Variants in SCD5 observed in about 807,000 individuals in gnomAD.
SCD5 encodes the protein acyl-CoA-desaturase 4.
Under a neutral mutation model 30.4 loss-of-function variants are expected in SCD5, and 20 were observed. The ratio of observed to expected loss-of-function variants is 0.66; its 90% confidence interval spans 0.46 to 0.96. The LOEUF (loss-of-function observed/expected upper bound fraction) is 0.96. Among genes scored for constraint, SCD5 ranks in the 40% least tolerant of loss-of-function variants. The pLI, the probability that SCD5 is intolerant of heterozygous loss-of-function variation, is 0.00. For missense variants in SCD5, 381 were observed against 443.3 expected (o/e 0.86, Z 1.26); for synonymous variants, 173 against 176.4 (o/e 0.98, Z 0.16).
intron 1 of SCD5, 142 bp downstream of exon 1, chr4:82,798,164 G>A: frequency 1.1e-6 from 1 of 937,256 alleles, no homozygotes; most frequent in Non-Finnish European, 1.3e-6. Context: ...ATGCCAAGGG[G>A]GCCGCGGCGC....
At chr4:82,660,819 T>C in intron 3 of SCD5, 1 of 1,611,170 alleles carries the variant, frequency 6.2e-7, no homozygotes. Flanking sequence ...GGAGTCCCCG[T>C]CTGTTATTCT....
At chr4:82,733,991 C>T (rs1464523575) in intron 1 of SCD5, among the ~76,000 whole-genome samples, 1 of 152,092 alleles carries the variant, frequency 6.6e-6, no homozygotes, top group Non-Finnish European at 1.5e-5. Flanking sequence ...AAAATGGCCA[C>T]TATTACATAC....
chr4:82,693,132 C>T (rs1459557759), intron 2 of SCD5, among the ~76,000 whole-genome samples: 1 of 152,102 alleles, frequency 6.6e-6, no homozygotes, highest in African/African-American at 2.4e-5. Context: ...GCTCTGCTCC[C>T]GATTGTAGGG....
intron 2 of SCD5, among the ~76,000 whole-genome samples, chr4:82,703,414 T>C (rs867833764): frequency 7.2e-5 from 11 of 152,348 alleles, no homozygotes; most frequent in South Asian, 2.1e-4. Context: ...ATAAGCTTGG[T>C]ACTTTTTATT....
chr4:82,655,054 G>A (rs902304523), intron 3 of SCD5, among the ~76,000 whole-genome samples: 11 of 152,116 alleles, frequency 7.2e-5, no homozygotes, highest in Non-Finnish European at 1.5e-5. Context: ...ACTTCTTCAA[G>A]GACCTCATCT....
At chr4:82,705,814 G>A (rs1003752849) in intron 1 of SCD5, among the ~76,000 whole-genome samples, 1 of 152,194 alleles carries the variant, frequency 6.6e-6, no homozygotes, top group African/African-American at 2.4e-5. Context: ...TGAGTGTTAT[G>A]TGAAGAGCAT....
chr4:82,728,494 A>G (rs115079119), intron 1 of SCD5, among the ~76,000 whole-genome samples: 1,553 of 152,272 alleles, frequency 0.01, 27 homozygotes, highest in African/African-American at 0.036. Context: ...AAGATTGCTG[A>G]CTTCCCCAAT....
Position 82,631,305 on chromosome 4 carries a change from A to G in SCD5, c.*22T>C, listed in dbSNP as rs369292537. 1.9e-6 allele frequency: 3 copies of G among 1,606,830 alleles called. No homozygotes were observed. In the African/African-American group the frequency reaches 4.0e-5, roughly 21 times the overall value. On this transcript the variant is annotated 3_prime_UTR_variant, in exon 5 of 5. Transcript: ENST00000319540. ...ATGAACCGAGGTTGCAACGGCAGACATGTGGGATGGCTGTTCCAAGTTCAA... is the reference window on the plus strand; with the variant it reads ...ATGAACCGAGGTTGCAACGGCAGACGTGTGGGATGGCTGTTCCAAGTTCAA...
At chr4:82,707,944 G>T (rs1287292352) in intron 1 of SCD5, among the ~76,000 whole-genome samples, 1 of 152,204 alleles carries the variant, frequency 6.6e-6, no homozygotes, top group African/African-American at 2.4e-5. Flanking sequence ...GGGGTAATTT[G>T]TTATGCAACA....
intron 3 of SCD5, among the ~76,000 whole-genome samples, chr4:82,675,934 T>C (rs929489873): frequency 1.3e-5 from 2 of 152,232 alleles, no homozygotes; most frequent in African/African-American, 4.8e-5. Context: ...CTTCCTTCCT[T>C]AGAAACAAAA....
chr4:82,690,008 T>TA lies in SCD5; in HGVS notation c.364-9097dup, dbSNP rs1436201780. Among the ~76,000 whole-genome samples the TA allele has an allele frequency of 3.3e-5, 5 of 152,128 alleles. No homozygotes were observed. In the East Asian group the frequency reaches 5.8e-4, roughly 18 times the overall value. On this transcript the variant is annotated intron_variant, in intron 2 of 4. Coordinates refer to ENST00000319540, the MANE Select transcript of SCD5 (RefSeq NM_001037582.3). Reference sequence around the variant, plus strand: ...TTCAAAAATATTGATGGCATAAAATTAAAAAAACAAGGAACTATTCCAGAT... The same window carrying TA: ...TTCAAAAATATTGATGGCATAAAATTAAAAAAAACAAGGAACTATTCCAGAT...
chr4:82,705,065 G>A (rs894136569), intron 2 of SCD5, among the ~76,000 whole-genome samples: 4 of 152,224 alleles, frequency 2.6e-5, no homozygotes, highest in Non-Finnish European at 4.4e-5. Flanking sequence ...TTTCCCCTCA[G>A]TAGTTCAGCA....
At chr4:82,679,219 GA>G (rs34466750) in intron 3 of SCD5, among the ~76,000 whole-genome samples, 10,736 of 25,966 alleles carry the variant, frequency 0.41, 1,413 homozygotes, top group Middle Eastern at 0.57. Flanking sequence ...AAAAAAGAAA[GA>G]AAAGAAAGAA....
At chr4:82,679,255 A>G (rs561874780) in intron 3 of SCD5, among the ~76,000 whole-genome samples, 37 of 120,592 alleles carry the variant, frequency 3.1e-4, no homozygotes, top group African/African-American at 1.1e-3. Flanking sequence ...AAAGAAAGAA[A>G]GAAAGAAGGA....
At chr4:82,752,465 T>G (rs28491616) in intron 1 of SCD5, among the ~76,000 whole-genome samples, 1,554 of 152,162 alleles carry the variant, frequency 0.01, 33 homozygotes, top group African/African-American at 0.035. Context: ...TTAGGATGAT[T>G]TGAAGGCCTG....
chr4:82,760,922 G>A (rs929480574), intron 1 of SCD5, among the ~76,000 whole-genome samples: 11 of 152,156 alleles, frequency 7.2e-5, no homozygotes, highest in African/African-American at 2.4e-4. Context: ...CCTGAGCATA[G>A]CACACACATA....
chr4:82,653,546 A>C (rs1428530051), intron 3 of SCD5, among the ~76,000 whole-genome samples: 1 of 152,132 alleles, frequency 6.6e-6, no homozygotes, highest in African/African-American at 2.4e-5. Context: ...TTACAGTCAC[A>C]TATGAAATGT....
chr4:82,648,931 A>G (rs1357245123), intron 3 of SCD5, among the ~76,000 whole-genome samples: 1 of 152,172 alleles, frequency 6.6e-6, no homozygotes, highest in Admixed American at 6.6e-5. Flanking sequence ...AGGATGGAAC[A>G]TGTGCTTTGG....
intron 3 of SCD5, among the ~76,000 whole-genome samples, chr4:82,645,943 T>C (rs1170320966): frequency 6.6e-6 from 1 of 152,218 alleles, no homozygotes; most frequent in African/African-American, 2.4e-5. Context: ...TGCAAGCGTT[T>C]TCCTACTGCT....
Sources: gnomAD v4.1 joint callset for allele counts (sites outside exome capture counted in the v4.1 genomes callset) on GRCh38, gnomAD v4.1.1 for gene constraint, MANE v1.5 for transcripts, NCBI Gene and HGNC (gene_info 2026-07-23, HGNC 2026-07-21) for gene names.